The following IL1RAPL1 variants were observed in gnomAD, a reference collection of about 807,000 sequenced individuals.
The protein encoded by IL1RAPL1 is interleukin-1 receptor accessory protein-like 1.
In IL1RAPL1, 3 loss-of-function variants were observed where a neutral mutation model predicts 48.4. The observed-to-expected ratio is 0.06, with a 90% CI of 0.03 to 0.16. The LOEUF is 0.16. IL1RAPL1 is among the 10% of genes least tolerant of loss of function. The pLI, the probability that IL1RAPL1 is intolerant of heterozygous loss-of-function variation, is 1.00. For synonymous variants in IL1RAPL1, 185 were observed against 187.7 expected, an observed-to-expected ratio of 0.99 and a Z score of 0.12; for missense variants, 349 against 530.6, an observed-to-expected ratio of 0.66 and a Z score of 3.36.
At chrX:29,777,716 GT>G (rs1242654774) in intron 6 of IL1RAPL1, among the ~76,000 whole-genome samples, 1 of 109,267 alleles carries the variant, frequency 9.2e-6, no homozygotes, top group Non-Finnish European at 1.9e-5. Flanking sequence ...ATGGTAAGAA[GT>G]TTTTTTTTCA....
At chrX:29,255,978 A>G (rs1224846584) in intron 2 of IL1RAPL1, among the ~76,000 whole-genome samples, 1 of 111,606 alleles carries the variant, frequency 9.0e-6, no homozygotes, top group Non-Finnish European at 1.9e-5. Context: ...ATACCCAGTA[A>G]TGAGATTGCT....
chrX:29,464,693 A>G (rs5971501), intron 5 of IL1RAPL1, among the ~76,000 whole-genome samples: 46,223 of 110,882 alleles, frequency 0.42, 7,470 homozygotes, highest in East Asian at 0.75. Context: ...ATGCCCATCA[A>G]CAGTAGAATG....
At chrX:29,597,214 C>T (rs1923580899) in intron 5 of IL1RAPL1, among the ~76,000 whole-genome samples, 1 of 100,731 alleles carries the variant, frequency 9.9e-6, no homozygotes, top group African/African-American at 3.8e-5. Flanking sequence ...AGTGCAATGG[C>T]GCGATATCGG....
chrX:29,425,350 G>C (rs1398391444), intron 5 of IL1RAPL1, among the ~76,000 whole-genome samples: 1 of 111,586 alleles, frequency 9.0e-6, no homozygotes, highest in Non-Finnish European at 1.9e-5. Context: ...AAGGTTCTGA[G>C]GGCAGGGAAC....
chrX:29,091,460 G>T (rs912231416), intron 2 of IL1RAPL1, among the ~76,000 whole-genome samples: 8 of 112,073 alleles, frequency 7.1e-5, no homozygotes, highest in African/African-American at 2.6e-4. Context: ...GCTTCTCTCA[G>T]TTGAGCCAAA....
chrX:29,167,757 A>G (rs1929814637), intron 2 of IL1RAPL1, among the ~76,000 whole-genome samples: 1 of 110,823 alleles, frequency 9.0e-6, no homozygotes, highest in East Asian at 2.8e-4. Context: ...GACATTTTAA[A>G]TTAAGCATGC....
At chrX:28,873,624 G>C (rs373133278) in intron 2 of IL1RAPL1, among the ~76,000 whole-genome samples, 123 of 97,607 alleles carry the variant, frequency 1.3e-3, no homozygotes, top group South Asian at 4.6e-3. Context: ...TTCCGCCTCC[G>C]GGGTTCACGC....
At chrX:28,799,012 A>G (rs1936644907) in intron 2 of IL1RAPL1, among the ~76,000 whole-genome samples, 1 of 112,100 alleles carries the variant, frequency 8.9e-6, no homozygotes, top group South Asian at 3.7e-4. Context: ...CTTTCAACAA[A>G]GTAATACCTG....
chrX:29,008,835 C>T (rs745787486), intron 2 of IL1RAPL1, among the ~76,000 whole-genome samples: 14 of 110,913 alleles, frequency 1.3e-4, no homozygotes, highest in African/African-American at 4.6e-4. Flanking sequence ...CCTCCCCCCA[C>T]AATAGTCCCC....
chrX:29,531,559 G>A (rs761775807), intron 5 of IL1RAPL1, among the ~76,000 whole-genome samples: 6 of 111,573 alleles, frequency 5.4e-5, no homozygotes, highest in Non-Finnish European at 9.4e-5. Flanking sequence ...GAAACCGAAC[G>A]CAGAGTCCAT....
In IL1RAPL1 at chrX:29,898,116, A is replaced by G. The variant is rs1399695781; in HGVS notation, c.779-19348A>G. ...GTGGAATCTTAAGAGGCTCTCTCCTACTTCAGATGAGAAAGTCAGGAAGCA... is the reference window on the plus strand; with the variant it reads ...GTGGAATCTTAAGAGGCTCTCTCCTGCTTCAGATGAGAAAGTCAGGAAGCA... On this transcript the variant is annotated intron_variant, in intron 6 of 10. Coordinates refer to ENST00000378993, the MANE Select transcript of IL1RAPL1 (RefSeq NM_014271.4). Among the ~76,000 whole-genome samples the G allele has an allele frequency of 3.6e-5, 4 of 112,123 alleles. No individual in the cohort carries two copies. The East Asian group carries it at 1.1e-3, about 31-fold the overall frequency.
chrX:29,124,876 C>T (rs1928868702), intron 2 of IL1RAPL1, among the ~76,000 whole-genome samples: 1 of 111,918 alleles, frequency 8.9e-6, no homozygotes, highest in Non-Finnish European at 1.9e-5. Context: ...ACAAATGGTA[C>T]ATTTGGGCAG....
intron 2 of IL1RAPL1, among the ~76,000 whole-genome samples, chrX:29,003,557 G>A (rs1207036212): frequency 8.9e-6 from 1 of 112,152 alleles, no homozygotes; most frequent in Non-Finnish European, 1.9e-5. Context: ...CAGACATAAA[G>A]GGGAAATGCT....
At chrX:29,866,017 A>G (rs1056240249) in intron 6 of IL1RAPL1, among the ~76,000 whole-genome samples, 24 of 110,887 alleles carry the variant, frequency 2.2e-4, no homozygotes, top group African/African-American at 7.9e-4. Flanking sequence ...TATTTTGATG[A>G]CACAATGACC....
chrX:28,652,926 A>G (rs1009399854), intron 1 of IL1RAPL1, among the ~76,000 whole-genome samples: 1 of 110,543 alleles, frequency 9.0e-6, no homozygotes, highest in African/African-American at 3.3e-5. Flanking sequence ...GCCTAAGTGA[A>G]TTTTTGTTCC....
chrX:28,605,026 T>C (rs777268971), intron 1 of IL1RAPL1, among the ~76,000 whole-genome samples: 4 of 111,301 alleles, frequency 3.6e-5, no homozygotes, highest in Non-Finnish European at 7.5e-5. Flanking sequence ...TTTACCTGGC[T>C]TTGGGGACAG....
At chrX:28,796,540 A>T (rs1406637600) in intron 2 of IL1RAPL1, among the ~76,000 whole-genome samples, 1 of 112,162 alleles carries the variant, frequency 8.9e-6, no homozygotes, top group African/African-American at 3.2e-5. Context: ...TCCAAAATCT[A>T]GCAGGGCAGT....
chrX:28,739,390 C>T (rs60551780), intron 1 of IL1RAPL1, among the ~76,000 whole-genome samples: 8,704 of 111,639 alleles, frequency 0.078, 848 homozygotes, highest in African/African-American at 0.27. Flanking sequence ...AGTGATCTCG[C>T]TGTCTTTACA....
Position 29,555,870 on chromosome X carries a change from A to G in IL1RAPL1, c.704-112560A>G, listed in dbSNP as rs150010041. 9.7e-3 allele frequency among the ~76,000 whole-genome samples: 1,085 copies of G among 112,231 alleles called. 15 individuals are homozygous for G. Among genetic ancestry groups the G allele is most frequent in the African/African-American group, 0.033 (1,010 of 30,865 alleles). On this transcript the variant is annotated intron_variant, in intron 5 of 10. Transcript: ENST00000378993. ...ACTGGGGAGGGGGGAAACAAAATTAACTTGGCCATGCTGAGAATTGCAGGA... is the reference window on the plus strand; with the variant it reads ...ACTGGGGAGGGGGGAAACAAAATTAGCTTGGCCATGCTGAGAATTGCAGGA...
Sources: gnomAD v4.1 joint callset for allele counts (sites outside exome capture counted in the v4.1 genomes callset) on GRCh38, gnomAD v4.1.1 for gene constraint, MANE v1.5 for transcripts, NCBI Gene and HGNC (gene_info 2026-07-23, HGNC 2026-07-21) for gene names.